Variants in APELA observed in about 807,000 individuals in gnomAD.
The protein encoded by APELA is apelin receptor early endogenous ligand.
At chr4:164,877,968 C>A (rs1730585302) in intron 1 of APELA, among the ~76,000 whole-genome samples, 1 of 151,624 alleles carries the variant, frequency 6.6e-6, no homozygotes, top group Non-Finnish European at 1.5e-5. Context: ...TAAAAAGCAT[C>A]AAAAATATGT....
rs1730765223 is a variant in APELA, at chr4:164,886,098, A to C, written c.*1+7089A>C. Among the ~76,000 whole-genome samples the C allele has an allele frequency of 2.0e-5, 3 of 152,114 alleles. No homozygotes were observed. In the South Asian group the frequency reaches 6.2e-4, roughly 32 times the overall value. On this transcript the variant is annotated intron_variant, in intron 2 of 2. Coordinates refer to ENST00000507152, the MANE Select transcript of APELA (RefSeq NM_001297550.2). ...ATCACATTTGACTTTGTTTCTTTAGATTTTTATCAGTATTGAAATATGAGC... is the reference window on the plus strand; with the variant it reads ...ATCACATTTGACTTTGTTTCTTTAGCTTTTTATCAGTATTGAAATATGAGC...
chr4:164,882,945 G>A (rs938273552), intron 2 of APELA, among the ~76,000 whole-genome samples: 2 of 152,114 alleles, frequency 1.3e-5, no homozygotes, highest in Non-Finnish European at 2.9e-5. Flanking sequence ...TGGCTGCATG[G>A]TATTCCATGG....
intron 2 of APELA, among the ~76,000 whole-genome samples, chr4:164,879,813 A>G (rs921141569): frequency 6.6e-6 from 1 of 152,232 alleles, no homozygotes; most frequent in African/African-American, 2.4e-5. Flanking sequence ...TTTAATAGAT[A>G]AAGTAAAGTT....
chr4:164,882,420 A>G (rs1454701494), intron 2 of APELA, among the ~76,000 whole-genome samples: 1 of 152,100 alleles, frequency 6.6e-6, no homozygotes, highest in Non-Finnish European at 1.5e-5. Flanking sequence ...GCTTTTTAAT[A>G]ACAATTGTAA....
chr4:164,890,611 T>C (rs531400578), intron 2 of APELA, among the ~76,000 whole-genome samples: 2 of 152,372 alleles, frequency 1.3e-5, no homozygotes, highest in East Asian at 3.9e-4. Context: ...TTCCATGATA[T>C]GGAAAAATCA....
chr4:164,891,282 T>C (rs1441981073), intron 2 of APELA, among the ~76,000 whole-genome samples: 1 of 152,178 alleles, frequency 6.6e-6, no homozygotes, highest in African/African-American at 2.4e-5. Context: ...TTAGATATTA[T>C]ATATTTAAAA....
intron 2 of APELA, among the ~76,000 whole-genome samples, chr4:164,885,646 C>A (rs1338088420): frequency 3.3e-5 from 5 of 151,952 alleles, no homozygotes; most frequent in African/African-American, 1.2e-4. Flanking sequence ...GAAGCTGAGG[C>A]AGGAGAATCA....
At chr4:164,898,418 C>T (rs1731016282), downstream of APELA, among the ~76,000 whole-genome samples, 1 of 150,146 alleles carries the variant, frequency 6.7e-6, no homozygotes. Flanking sequence ...AGGAGAATTG[C>T]TTGAACCTGG....
chr4:164,880,537 G>A (rs1730636643), intron 2 of APELA, among the ~76,000 whole-genome samples: 2 of 152,170 alleles, frequency 1.3e-5, no homozygotes, highest in African/African-American at 2.4e-5. Flanking sequence ...TTCCAGCAGA[G>A]CATTTCAGTG....
At chr4:164,898,831 C>T (rs1731024241), downstream of APELA, 3 of 152,154 alleles carry the variant, frequency 2.0e-5, no homozygotes, top group Non-Finnish European at 4.4e-5. Flanking sequence ...CGTCCTGAAT[C>T]ATTTTTACCC....
intron 1 of APELA, among the ~76,000 whole-genome samples, chr4:164,878,196 A>AGAAAGAAAGAAAGAAAGAAAGAAAG (rs1553970694): frequency 9.1e-5 from 13 of 143,468 alleles, no homozygotes; most frequent in African/African-American, 2.6e-4. Flanking sequence ...AGAAACAGAA[A>AGAAAGAAAGAAAGAAAGAAAGAAAG]AAAGAAAGAA....
intron 2 of APELA, among the ~76,000 whole-genome samples, chr4:164,880,003 T>C (rs1381945160): frequency 6.6e-6 from 1 of 152,226 alleles, no homozygotes; most frequent in Non-Finnish European, 1.5e-5. Flanking sequence ...CTTCAAACAC[T>C]GTCCAAGTTT....
intron 2 of APELA, among the ~76,000 whole-genome samples, chr4:164,883,957 C>T: frequency 9.1e-6 from 1 of 109,976 alleles, no homozygotes; most frequent in Middle Eastern, 5.3e-3. Flanking sequence ...GAGACAAAGA[C>T]AGAAAGAAAG....
rs1560858094 is a variant in APELA at position 164,884,141 on chromosome 4, AAG to A, written c.*1+5134_*1+5135del. ...AGAAAGAGAAAGAAAGAAAGAAAGA[AAG>A]AAAGAAAGAAAGAAAGGAGAAGAGA... On this transcript the variant is annotated intron_variant, in intron 2 of 2. Transcript: ENST00000507152. Among the ~76,000 whole-genome samples, 5 of 149,598 alleles carry A rather than the reference AAG, an allele frequency of 3.3e-5. No individual in the cohort carries two copies. The East Asian group carries it at 9.7e-4, about 29-fold the overall frequency.
intron 2 of APELA, among the ~76,000 whole-genome samples, chr4:164,886,751 C>A (rs1188948795): frequency 1.3e-5 from 2 of 152,050 alleles, no homozygotes; most frequent in African/African-American, 4.8e-5. Flanking sequence ...ACATTTATTA[C>A]AATAATTGTA....
chr4:164,885,805 T>G (rs1195885322), intron 2 of APELA, among the ~76,000 whole-genome samples: 1 of 152,132 alleles, frequency 6.6e-6, no homozygotes, highest in Non-Finnish European at 1.5e-5. Flanking sequence ...GATCATAAAT[T>G]TAAGACTTGT....
In APELA at chr4:164,879,414, TTCTCCTCC is replaced by T. The variant is rs527308439; in HGVS notation, c.*1+426_*1+433del. Among the ~76,000 whole-genome samples, 166 of 152,184 alleles carry T rather than the reference TTCTCCTCC, an allele frequency of 1.1e-3. 1 individual carries two copies. The highest frequency in any genetic ancestry group is 3.7e-3 in the African/African-American group (154 of 41,508). On this transcript the variant is annotated intron_variant, in intron 2 of 2. Coordinates refer to ENST00000507152, the MANE Select transcript of APELA (RefSeq NM_001297550.2). Reference sequence around the variant, plus strand: ...CATCAATACTTCGGGGTTTCTTTTCTTCTCCTCCTCTCCTCCTCTCCTCCTCTCTCCTC... The same window carrying T: ...CATCAATACTTCGGGGTTTCTTTTCTTCTCCTCCTCTCCTCCTCTCTCCTC...
At chr4:164,890,806 G>C (rs188888486) in intron 2 of APELA, among the ~76,000 whole-genome samples, 45 of 152,314 alleles carry the variant, frequency 3.0e-4, no homozygotes, top group African/African-American at 6.3e-4. Flanking sequence ...AACTCATTGA[G>C]GAACTGCCAA....
At chr4:164,897,856 T>C (rs1419162908), downstream of APELA, among the ~76,000 whole-genome samples, 2 of 152,190 alleles carry the variant, frequency 1.3e-5, no homozygotes, top group Admixed American at 1.3e-4. Flanking sequence ...AAATCTGTGT[T>C]CTTTAAACTC....
Sources: allele counts gnomAD v4.1 joint callset (sites outside exome capture counted in the v4.1 genomes callset), GRCh38; gene constraint gnomAD v4.1.1; transcripts MANE v1.5; gene names NCBI Gene and HGNC (gene_info 2026-07-23, HGNC 2026-07-21).